Variants in TRPM3 observed in about 807,000 individuals in gnomAD.
The protein encoded by TRPM3 is long transient receptor potential channel 3.
Under a neutral mutation model 181.2 loss-of-function variants are expected in TRPM3, and 77 were observed. The observed-to-expected ratio is 0.42, with a 90% CI of 0.35 to 0.51. TRPM3 has a LOEUF of 0.51. Ranked by LOEUF, TRPM3 falls within the 20% of genes least tolerant of loss-of-function variation. The pLI, the probability that TRPM3 is intolerant of heterozygous loss-of-function variation, is 0.01. For missense variants in TRPM3, 1,759 were observed against 2,196.7 expected, an observed-to-expected ratio of 0.80 and a Z score of 3.98; for synonymous variants, 745 against 796.4, an observed-to-expected ratio of 0.94 and a Z score of 1.09.
At position 70,683,428 on chromosome 9, in the gene TRPM3, C is replaced by CTTTTTTTTTTTTTTTTTTTTTTT. The variant is rs575176948; in HGVS notation, c.1273-1873_1273-1851dup. Among the ~76,000 whole-genome samples the CTTTTTTTTTTTTTTTTTTTTTTT allele has an allele frequency of 1.4e-4, 8 of 57,470 alleles. 1 individual carries two copies. Among genetic ancestry groups the CTTTTTTTTTTTTTTTTTTTTTTT allele is most frequent in the Non-Finnish European group, 1.9e-4 (6 of 30,788 alleles). 37.7% of individuals were successfully genotyped at this position (57,470 alleles called of 152,430 possible). A position where few individuals can be genotyped will look rare whatever the true frequency, so the allele number is the denominator to read the frequency against. ...CCTTTTCTCTCTTTCTCTCTCTCTC[C>CTTTTTTTTTTTTTTTTTTTTTTT]TTTTTTTTTTTTTTTTTTTTTTTTT... On this transcript the variant is annotated intron_variant, in intron 8 of 25. Coordinates refer to ENST00000677713, the MANE Select transcript of TRPM3 (RefSeq NM_001366145.2).
At chr9:70,909,223 G>T (rs1321002427) in intron 1 of TRPM3, among the ~76,000 whole-genome samples, 1 of 152,216 alleles carries the variant, frequency 6.6e-6, no homozygotes, top group Admixed American at 6.5e-5. Flanking sequence ...TAATTTAGAA[G>T]AGTATCCTGA....
chr9:71,297,401 C>A (rs921286681), intron 1 of TRPM3, among the ~76,000 whole-genome samples: 1 of 152,112 alleles, frequency 6.6e-6, no homozygotes, highest in African/African-American at 2.4e-5. Flanking sequence ...AAACAACTGC[C>A]TGAGACTGGA....
intron 5 of TRPM3, among the ~76,000 whole-genome samples, chr9:70,839,691 C>T (rs2094524744): frequency 6.6e-6 from 1 of 152,096 alleles, no homozygotes; most frequent in African/African-American, 2.4e-5. Flanking sequence ...TCCCAGATTT[C>T]CCTTGACATT....
chr9:70,617,293 T>G (rs1589366709), intron 17 of TRPM3, among the ~76,000 whole-genome samples: 1 of 151,856 alleles, frequency 6.6e-6, no homozygotes, highest in South Asian at 2.1e-4. Flanking sequence ...GGCTATGGAG[T>G]GCCCATGACC....
intron 1 of TRPM3, among the ~76,000 whole-genome samples, chr9:71,272,860 T>C (rs2083909705): frequency 6.6e-6 from 1 of 151,470 alleles, no homozygotes; most frequent in African/African-American, 2.4e-5. Context: ...GTATGAACAT[T>C]GTATGAAAGC....
At chr9:70,992,548 T>G (rs2097498560) in intron 1 of TRPM3, among the ~76,000 whole-genome samples, 1 of 152,168 alleles carries the variant, frequency 6.6e-6, no homozygotes, top group Non-Finnish European at 1.5e-5. Flanking sequence ...TAACAAAACT[T>G]TCTGTGGTGA....
At chr9:70,553,095 A>G (rs1046092227) in intron 23 of TRPM3, 52 bp from the exon 24 acceptor site, 3 of 1,613,340 alleles carry the variant, frequency 1.9e-6, no homozygotes, top group African/African-American at 2.7e-5. Context: ...TGTTTTCTGA[A>G]GCATCGACTC....
intron 1 of TRPM3, among the ~76,000 whole-genome samples, chr9:71,424,756 A>T (rs1293034880): frequency 6.6e-6 from 1 of 152,048 alleles, no homozygotes; most frequent in African/African-American, 2.4e-5. Context: ...TATTTTTCAT[A>T]TTAATAGGAA....
At chr9:71,408,455 A>C (rs372350136) in intron 1 of TRPM3, among the ~76,000 whole-genome samples, 5 of 152,260 alleles carry the variant, frequency 3.3e-5, no homozygotes, top group African/African-American at 7.2e-5. Context: ...TACGTGATGC[A>C]TGCACAAGCT....
chr9:70,807,322 TACA>T (rs1413533632), intron 6 of TRPM3, among the ~76,000 whole-genome samples: 1 of 152,244 alleles, frequency 6.6e-6, no homozygotes, highest in Non-Finnish European at 1.5e-5. Context: ...ATAAATGATT[TACA>T]ACAATCATAA....
chr9:70,630,567 TC>T (rs2065636189), intron 12 of TRPM3, among the ~76,000 whole-genome samples: 1 of 152,216 alleles, frequency 6.6e-6, no homozygotes, highest in South Asian at 2.1e-4. Context: ...GGAGGAGACT[TC>T]CTTTGCTTGG....
At chr9:70,923,407 T>G (rs2096679126) in intron 1 of TRPM3, among the ~76,000 whole-genome samples, 1 of 152,202 alleles carries the variant, frequency 6.6e-6, no homozygotes, top group South Asian at 2.1e-4. Context: ...TTACAAAATT[T>G]GCTTTGTAGC....
chr9:70,784,359 C>T lies in TRPM3; in HGVS notation c.974-80G>A, dbSNP rs2083121828. 3.4e-5 allele frequency: 48 copies of T among 1,415,570 alleles called. 1 individual carries two copies. The highest frequency in any genetic ancestry group is 4.4e-5 in the Non-Finnish European group (47 of 1,062,170). 87.7% of individuals were successfully genotyped at this position (1,415,570 alleles called of 1,614,324 possible). A position where few individuals can be genotyped will look rare whatever the true frequency, so the allele number is the denominator to read the frequency against. On this transcript the variant is annotated intron_variant, in intron 6 of 25. Transcript: ENST00000677713. ...CAAACCAAAGAAACAAAAAGAGAAA[C>T]AAAAAGCACAAACTAAAATTACTGA...
At position 70,954,070 on chromosome 9, in the gene TRPM3, C is replaced by A. The variant is rs570053379; in HGVS notation, c.178-89559G>T. Reference sequence around the variant, plus strand: ...AGACAATGATTTTTTCAGGAAGAAACAGGACTCCTCCACTCTGATCATTTC... The same window carrying A: ...AGACAATGATTTTTTCAGGAAGAAAAAGGACTCCTCCACTCTGATCATTTC... On this transcript the variant is annotated intron_variant, in intron 1 of 25. Transcript: ENST00000677713. Among the ~76,000 whole-genome samples the A allele has an allele frequency of 1.1e-4, 17 of 152,226 alleles. No homozygotes were observed. The East Asian group carries it at 2.7e-3, about 24-fold the overall frequency.
At chr9:70,875,845 A>G (rs2095860201) in intron 1 of TRPM3, among the ~76,000 whole-genome samples, 1 of 151,976 alleles carries the variant, frequency 6.6e-6, no homozygotes, top group Admixed American at 6.6e-5. Context: ...ATCCAGCAAT[A>G]TAAGTGTAAG....
intron 1 of TRPM3, among the ~76,000 whole-genome samples, chr9:71,009,220 T>A (rs890996062): frequency 1.3e-5 from 2 of 151,956 alleles, no homozygotes; most frequent in Non-Finnish European, 2.9e-5. Flanking sequence ...CTAGCCAGAG[T>A]AATTAGTCAA....
intron 1 of TRPM3, among the ~76,000 whole-genome samples, chr9:71,301,045 A>G (rs2086724322): frequency 6.6e-6 from 1 of 152,174 alleles, no homozygotes; most frequent in Admixed American, 6.5e-5. Context: ...CATCAAATGA[A>G]TATGTATAGG....
At chr9:70,870,744 A>G (rs1030988714) in intron 1 of TRPM3, among the ~76,000 whole-genome samples, 3 of 152,056 alleles carry the variant, frequency 2.0e-5, no homozygotes, top group Non-Finnish European at 2.9e-5. Flanking sequence ...GCTATGTGAA[A>G]AAAGCAGGCC....
intron 1 of TRPM3, among the ~76,000 whole-genome samples, chr9:71,376,188 A>G (rs1166563003): frequency 2.0e-5 from 3 of 151,988 alleles, no homozygotes; most frequent in Non-Finnish European, 2.9e-5. Flanking sequence ...AGTCACAAAA[A>G]TGATGAGATA....
Sources: gnomAD v4.1 joint callset for allele counts (sites outside exome capture counted in the v4.1 genomes callset) on GRCh38, gnomAD v4.1.1 for gene constraint, MANE v1.5 for transcripts, NCBI Gene and HGNC (gene_info 2026-07-23, HGNC 2026-07-21) for gene names.